The following TPGS2 variants were observed in gnomAD, a reference collection of about 807,000 sequenced individuals.
TPGS2 encodes the protein polyglutamylase subunit 2.
TPGS2 carries 26 observed loss-of-function variants against 31.1 expected under a neutral mutation model. The observed-to-expected ratio is 0.84, with a 90% CI of 0.61 to 1.16. The LOEUF (loss-of-function observed/expected upper bound fraction) is 1.16, where lower values mean the gene tolerates loss of function less well. Among genes scored for constraint, TPGS2 ranks in the 50% most tolerant of loss-of-function variants. The pLI is 0.00. For missense variants in TPGS2, 351 were observed against 363.8 expected (o/e 0.96, Z 0.29); for synonymous variants, 130 against 136.6 (o/e 0.95, Z 0.34).
At position 36,794,898 on chromosome 18, in the gene TPGS2, C is replaced by G. The variant is rs553637720; in HGVS notation, c.*1907G>C. ...ACACACACACGTTTAAATGACCACA[C>G]TGAATTATAAGTGGTTAGTTTTGGG... On this transcript the variant is annotated 3_prime_UTR_variant, in exon 7 of 7. Transcript: ENST00000334295. 4.1e-6 allele frequency: 4 copies of G among 983,290 alleles called. No homozygotes were observed. Among genetic ancestry groups the G allele is most frequent in the Non-Finnish European group, 4.8e-6 (4 of 829,804 alleles). The allele number at this position is 983,290 out of a possible 1,614,324, so 60.9% of individuals were successfully genotyped here. A position where few individuals can be genotyped will look rare whatever the true frequency, so the allele number is the denominator to read the frequency against.
chr18:36,810,893 T>G lies in TPGS2; in HGVS notation c.166-2959A>C, dbSNP rs1173158444. On this transcript the variant is annotated intron_variant, in intron 2 of 6. Coordinates refer to ENST00000334295, the MANE Select transcript of TPGS2 (RefSeq NM_015476.4). ...GCCTCAAGGGAAGGGCTAGGGGCTGTCCATTGCCTTCTACTCACCTTTTCT... is the reference window on the plus strand; with the variant it reads ...GCCTCAAGGGAAGGGCTAGGGGCTGGCCATTGCCTTCTACTCACCTTTTCT... 2.0e-5 allele frequency among the ~76,000 whole-genome samples: 3 copies of G among 152,308 alleles called. No homozygotes were observed. The East Asian group carries it at 5.8e-4, about 29-fold the overall frequency.
At chr18:36,818,995 G>A in intron 1 of TPGS2, 22 bp from the exon 2 acceptor site, 1 of 1,601,858 alleles carries the variant, frequency 6.2e-7, no homozygotes. Flanking sequence ...AAAAGAGTCT[G>A]TAGAGTTGCA....
intron 5 of TPGS2, among the ~76,000 whole-genome samples, chr18:36,799,395 A>G (rs2044692720): frequency 6.6e-6 from 1 of 152,106 alleles, no homozygotes; most frequent in Non-Finnish European, 1.5e-5. Context: ...CACCCCCTAC[A>G]TGAACCATGT....
chr18:36,820,474 G>C (rs568656744), intron 1 of TPGS2, among the ~76,000 whole-genome samples: 2 of 152,158 alleles, frequency 1.3e-5, no homozygotes, highest in Non-Finnish European at 2.9e-5. Flanking sequence ...TCCTATATCC[G>C]ACACAGTACT....
rs1047779835 is a variant in TPGS2, at chr18:36,794,427, G to A, written c.*2378C>T. The A allele has an allele frequency of 9.2e-5, 91 of 985,298 alleles. No individual in the cohort carries two copies. Among genetic ancestry groups the A allele is most frequent in the Non-Finnish European group, 1.0e-4 (86 of 829,948 alleles). The allele number at this position is 985,298 out of a possible 1,614,324, so 61.0% of individuals were successfully genotyped here. On this transcript the variant is annotated 3_prime_UTR_variant, in exon 7 of 7. Coordinates refer to ENST00000334295, the MANE Select transcript of TPGS2 (RefSeq NM_015476.4). ...GATTGCCACAGATTTGAGTGACACC[G>A]CTGACCTCCTGGTTCCTCCGCTGCT...
chr18:36,809,738 A>AT (rs1285712407), intron 2 of TPGS2, among the ~76,000 whole-genome samples: 1 of 152,130 alleles, frequency 6.6e-6, no homozygotes, highest in Non-Finnish European at 1.5e-5. Context: ...TTGCTCTGAC[A>AT]TTTTGATCAC....
At chr18:36,825,493 C>T (rs1421730306) in intron 1 of TPGS2, among the ~76,000 whole-genome samples, 1 of 150,736 alleles carries the variant, frequency 6.6e-6, no homozygotes, top group Non-Finnish European at 1.5e-5. Context: ...TTTGGACTCT[C>T]AATCTTATTT....
intron 6 of TPGS2, chr18:36,788,718 T>A (rs923006070): frequency 6.6e-6 from 1 of 152,208 alleles, no homozygotes; most frequent in African/African-American, 2.4e-5. Flanking sequence ...TTTTTAATTT[T>A]AAATTTTAAA....
At chr18:36,791,848 A>G (rs1231034456), downstream of TPGS2, among the ~76,000 whole-genome samples, 1 of 152,024 alleles carries the variant, frequency 6.6e-6, no homozygotes, top group Non-Finnish European at 1.5e-5. Context: ...TCTAGGCAAC[A>G]TAGGGAGACT....
chr18:36,793,587 A>C (rs911245839), downstream of TPGS2, among the ~76,000 whole-genome samples: 11 of 152,334 alleles, frequency 7.2e-5, no homozygotes, highest in East Asian at 1.9e-3. Context: ...CTAAGAAGTG[A>C]AACAGTAACA....
intron 1 of TPGS2, among the ~76,000 whole-genome samples, chr18:36,824,673 G>A (rs978253002): frequency 6.6e-6 from 1 of 152,192 alleles, no homozygotes; most frequent in Non-Finnish European, 1.5e-5. Flanking sequence ...TATCTCTGGA[G>A]AAATGTCTAC....
chr18:36,821,252 T>C (rs1218065725), intron 1 of TPGS2: 1 of 152,202 alleles, frequency 6.6e-6, no homozygotes, highest in Non-Finnish European at 1.5e-5. Flanking sequence ...GCTACTCTTT[T>C]GGAGAGAGAG....
At chr18:36,782,554 GA>G (rs1206554018), downstream of TPGS2, among the ~76,000 whole-genome samples, 1 of 152,168 alleles carries the variant, frequency 6.6e-6, no homozygotes, top group Non-Finnish European at 1.5e-5. Flanking sequence ...GATAGGTTTG[GA>G]AATCACTGGG....
chr18:36,828,898 G>T lies in TPGS2; in HGVS notation c.-131C>A. 1 of 1,165,124 alleles carries T rather than the reference G, an allele frequency of 8.6e-7. No homozygotes were observed. The highest frequency in any genetic ancestry group is 1.2e-6 in the Non-Finnish European group (1 of 837,080). The allele number at this position is 1,165,124 out of a possible 1,614,324, so 72.2% of individuals were successfully genotyped here. A position where few individuals can be genotyped will look rare whatever the true frequency, so the allele number is the denominator to read the frequency against. Reference sequence around the variant, plus strand: ...CCTGAAAGCGCGGCGCAGTGATGATGGGGGCCCGGGGTTGGTCTGACAGCA... The same window carrying T: ...CCTGAAAGCGCGGCGCAGTGATGATTGGGGCCCGGGGTTGGTCTGACAGCA... On this transcript the variant is annotated 5_prime_UTR_variant, in exon 1 of 7. Transcript: ENST00000334295.
downstream of TPGS2, among the ~76,000 whole-genome samples, chr18:36,790,616 G>GCT (rs1468534885): frequency 6.6e-5 from 10 of 152,212 alleles, no homozygotes; most frequent in Non-Finnish European, 1.3e-4. Flanking sequence ...CAAGACATTG[G>GCT]AACATTGCTA....
chr18:36,814,475 C>T (rs540992570), intron 2 of TPGS2, among the ~76,000 whole-genome samples: 3 of 152,320 alleles, frequency 2.0e-5, no homozygotes, highest in Non-Finnish European at 4.4e-5. Flanking sequence ...ATTTAGGTTT[C>T]GGTTGTCAAT....
chr18:36,787,718 A>G (rs576402960), intron 6 of TPGS2, among the ~76,000 whole-genome samples: 159 of 152,186 alleles, frequency 1.0e-3, no homozygotes, highest in Admixed American at 2.4e-3. Flanking sequence ...TACAGAATAG[A>G]GCAATTCAGT....
At chr18:36,804,467 A>G (rs919048884) in intron 4 of TPGS2, among the ~76,000 whole-genome samples, 1 of 152,146 alleles carries the variant, frequency 6.6e-6, no homozygotes, top group Non-Finnish European at 1.5e-5. Context: ...CTACCCCTGG[A>G]AATTCCACAA....
At chr18:36,789,807 A>G (rs1318768462), downstream of TPGS2, 1 of 152,230 alleles carries the variant, frequency 6.6e-6, no homozygotes, top group East Asian at 1.9e-4. Flanking sequence ...TGCTGATTTT[A>G]TAAGGGGGTT....
Sources: gnomAD v4.1 joint callset for allele counts (sites outside exome capture counted in the v4.1 genomes callset) on GRCh38, gnomAD v4.1.1 for gene constraint, MANE v1.5 for transcripts, NCBI Gene and HGNC (gene_info 2026-07-23, HGNC 2026-07-21) for gene names.